DAB1: variants seen among roughly 807,000 people sequenced by gnomAD.
DAB1 encodes DAB adaptor protein 1, also known as disabled homolog 1.
DAB1 carries 15 observed loss-of-function variants against 64.6 expected under a neutral mutation model. The observed-to-expected ratio is 0.23, with a 90% CI of 0.16 to 0.36. The LOEUF is 0.36. Ranked by LOEUF, DAB1 falls within the 10% of genes least tolerant of loss-of-function variation. The pLI, the probability that DAB1 is intolerant of heterozygous loss-of-function variation, is 1.00. For synonymous variants in DAB1, 235 were observed against 251.9 expected (o/e 0.93, Z 0.64); for missense variants, 596 against 706.7 (o/e 0.84, Z 1.78).
chr1:58,189,072 C>G (rs1004217212), intron 4 of DAB1, among the ~76,000 whole-genome samples: 2 of 152,102 alleles, frequency 1.3e-5, no homozygotes, highest in African/African-American at 4.8e-5. Context: ...CACCCCCCAC[C>G]CAGCATTTTA....
At chr1:57,701,667 T>C (rs1237424518) in intron 6 of DAB1, among the ~76,000 whole-genome samples, 42 of 151,704 alleles carry the variant, frequency 2.8e-4, no homozygotes, top group Non-Finnish European at 5.2e-4. Flanking sequence ...ATGTTGTGCA[T>C]ATGTACCCTA....
At chr1:58,381,888 ACACCATCAAAGAAGTGAGACTGAATG>A (rs1437285179) in intron 3 of DAB1, among the ~76,000 whole-genome samples, 9 of 104,252 alleles carry the variant, frequency 8.6e-5, no homozygotes, top group African/African-American at 2.9e-4. Context: ...ATAATGAATG[ACACCATCAAAGAAGTGAGACTGAATG>A]ACACCATCAA....
intron 4 of DAB1, among the ~76,000 whole-genome samples, chr1:58,266,412 C>T (rs957229620): frequency 1.3e-5 from 2 of 152,154 alleles, no homozygotes; most frequent in African/African-American, 2.4e-5. Context: ...AGCAGTTCCA[C>T]GAGTAGAACA....
At chr1:57,703,027 C>T (rs778024607) in intron 6 of DAB1, among the ~76,000 whole-genome samples, 1 of 151,964 alleles carries the variant, frequency 6.6e-6, no homozygotes, top group Non-Finnish European at 1.5e-5. Flanking sequence ...ACACCATATA[C>T]AAAAATTAAC....
intron 7 of DAB1, among the ~76,000 whole-genome samples, chr1:57,603,585 C>T (rs959286403): frequency 6.6e-6 from 1 of 152,168 alleles, no homozygotes; most frequent in Non-Finnish European, 1.5e-5. Flanking sequence ...CAGGCACAAC[C>T]GAAGTGCCCT....
chr1:58,350,650 G>GGGTA (rs1353513237), intron 3 of DAB1, among the ~76,000 whole-genome samples: 2 of 152,104 alleles, frequency 1.3e-5, no homozygotes, highest in South Asian at 4.2e-4. Context: ...GTGTAAGAAG[G>GGGTA]GGTACAGTTT....
chr1:57,848,692 A>G (rs1187275833), intron 1 of DAB1, among the ~76,000 whole-genome samples: 1 of 152,228 alleles, frequency 6.6e-6, no homozygotes, highest in African/African-American at 2.4e-5. Context: ...CCAAACCAGG[A>G]GCAAAATAAC....
At chr1:58,447,084 A>C (rs978004294) in intron 3 of DAB1, among the ~76,000 whole-genome samples, 22 of 152,240 alleles carry the variant, frequency 1.4e-4, no homozygotes, top group African/African-American at 4.8e-4. Context: ...CTGAGTGCTC[A>C]GTGGCCAGGT....
chr1:57,848,858 G>A (rs1204540191), intron 1 of DAB1, among the ~76,000 whole-genome samples: 1 of 152,082 alleles, frequency 6.6e-6, no homozygotes, highest in Non-Finnish European at 1.5e-5. Flanking sequence ...TTTTCAAAGG[G>A]GGTGCTGATG....
intron 11 of DAB1, among the ~76,000 whole-genome samples, chr1:57,017,046 A>T (rs1341682392): frequency 6.6e-6 from 1 of 152,156 alleles, no homozygotes. Flanking sequence ...TGCCTCACCC[A>T]GATGGCCAAG....
intron 5 of DAB1, chr1:58,047,829 T>C (rs1647341526): frequency 4.2e-6 from 1 of 238,820 alleles, no homozygotes; most frequent in Non-Finnish European, 8.2e-6. Flanking sequence ...GAAACATAAA[T>C]AACCTGAACT....
intron 4 of DAB1, among the ~76,000 whole-genome samples, chr1:58,269,319 C>A (rs1238190322): frequency 1.3e-5 from 2 of 151,650 alleles, no homozygotes; most frequent in Admixed American, 6.6e-5. Context: ...CCAATTTCAT[C>A]CATGTCCCTA....
At chr1:57,658,594 G>T (rs1184001560) in intron 6 of DAB1, among the ~76,000 whole-genome samples, 1 of 147,990 alleles carries the variant, frequency 6.8e-6, no homozygotes, top group Non-Finnish European at 1.5e-5. Flanking sequence ...ACACAATCTT[G>T]ATCTATCACC....
At chr1:57,511,060 C>T (rs1483449527) in intron 7 of DAB1, among the ~76,000 whole-genome samples, 1 of 152,160 alleles carries the variant, frequency 6.6e-6, no homozygotes, top group Non-Finnish European at 1.5e-5. Flanking sequence ...TCATGTCTCC[C>T]CTCTTAAAAG....
chr1:57,486,846 A>C (rs1644098327), intron 7 of DAB1, among the ~76,000 whole-genome samples: 1 of 152,056 alleles, frequency 6.6e-6, no homozygotes, highest in Non-Finnish European at 1.5e-5. Flanking sequence ...CAAAAATATA[A>C]GGCAGGCCAA....
chr1:57,343,242 A>G (rs1677782174), intron 1 of DAB1, among the ~76,000 whole-genome samples: 1 of 152,160 alleles, frequency 6.6e-6, no homozygotes, highest in Non-Finnish European at 1.5e-5. Context: ...TGCATTCACA[A>G]ACCCTGAGCT....
intron 5 of DAB1, among the ~76,000 whole-genome samples, chr1:58,036,811 T>G (rs1647051657): frequency 3.3e-5 from 5 of 152,170 alleles, no homozygotes. Context: ...TATTCAAGTA[T>G]TAAGAGAGGC....
At position 57,065,537 on chromosome 1, in the gene DAB1, A is replaced by G. The variant is rs1570625346; in HGVS notation, c.664-2594T>C. 2.0e-5 allele frequency among the ~76,000 whole-genome samples: 3 copies of G among 152,286 alleles called. No homozygotes were observed. The East Asian group carries it at 5.8e-4, about 29-fold the overall frequency. ...TGCTGAGGGCAGGTTGGGGTATTTT[A>G]TTATCCTTGTATCCACAGCTATAAA... On this transcript the variant is annotated intron_variant, in intron 8 of 14. Transcript: ENST00000371236.
intron 4 of DAB1, among the ~76,000 whole-genome samples, chr1:58,264,995 G>T (rs567099599): frequency 6.6e-6 from 1 of 152,284 alleles, no homozygotes; most frequent in South Asian, 2.1e-4. Flanking sequence ...TTACCATGTG[G>T]CATAACTCAT....
Sources: allele counts gnomAD v4.1 joint callset (sites outside exome capture counted in the v4.1 genomes callset), GRCh38; gene constraint gnomAD v4.1.1; transcripts MANE v1.5; gene names NCBI Gene and HGNC (gene_info 2026-07-23, HGNC 2026-07-21).